PPP1R13B: variants seen among roughly 807,000 people sequenced by gnomAD.
The protein encoded by PPP1R13B is protein phosphatase 1 regulatory subunit 13B.
A neutral mutation model predicts 119.8 loss-of-function variants in PPP1R13B; 44 were observed. The ratio of observed to expected loss-of-function variants is 0.37; its 90% CI spans 0.29 to 0.47. PPP1R13B has a LOEUF of 0.47. Among genes scored for constraint, PPP1R13B ranks in the 20% least tolerant of loss-of-function variants. The pLI is 0.99. For missense variants in PPP1R13B, 1,227 were observed against 1,413.5 expected, an observed-to-expected ratio of 0.87 and a Z score of 2.12; for synonymous variants, 542 against 561.5, an observed-to-expected ratio of 0.97 and a Z score of 0.49.
chr14:103,762,221 G>A (rs1218520617), intron 4 of PPP1R13B, among the ~76,000 whole-genome samples: 2 of 152,180 alleles, frequency 1.3e-5, no homozygotes, highest in Admixed American at 1.3e-4. Context: ...AAACGATGGA[G>A]GTTTAACTAT....
At chr14:103,838,614 A>G (rs1195395361) in intron 1 of PPP1R13B, among the ~76,000 whole-genome samples, 1 of 152,238 alleles carries the variant, frequency 6.6e-6, no homozygotes, top group Admixed American at 6.5e-5. Flanking sequence ...CCCCCTCCCC[A>G]GAAAAAGACA....
chr14:103,762,687 A>G (rs1567103759), intron 4 of PPP1R13B: 3 of 556,190 alleles, frequency 5.4e-6, no homozygotes, highest in Non-Finnish European at 9.8e-6. Context: ...GGGAACCAAG[A>G]GCAAGAGAAC....
chr14:103,790,517 C>T (rs377720140), intron 2 of PPP1R13B, among the ~76,000 whole-genome samples: 1 of 152,136 alleles, frequency 6.6e-6, no homozygotes, highest in East Asian at 1.9e-4. Flanking sequence ...TGGCCCACGG[C>T]TGTAATCCCA....
rs766006305 is a variant in PPP1R13B, at chr14:103,740,197, G to A, written c.2219C>T (p.Thr740Ile). The stretch of plus-strand genomic sequence containing the variant: ...GGAGGGGCTGGGCTGGTAGAAAGGG[G>A]TGCCCTCCATGCCACCGGCCAGGGT... ...FNTLAGGMEG[T>I]PFYQPSPSQD... Residue 740 changes from threonine (T) to isoleucine (I), a missense_variant, in exon 12 of 17, where the codon ACC becomes ATC. Physicochemically the swap from Thr to Ile is moderately conservative, Grantham distance 89. Coordinates refer to ENST00000202556, the MANE Select transcript of PPP1R13B (RefSeq NM_015316.3). This position sits in a 1 kb window ranked among gnomAD's most constrained non-coding sequence, Gnocchi z 4.6. 2 of 1,613,874 alleles carry A rather than the reference G, an allele frequency of 1.2e-6. No individual in the cohort carries two copies. The highest frequency in any genetic ancestry group is 2.2e-5 in the East Asian group (1 of 44,876).
At position 103,804,856 on chromosome 14, in the gene PPP1R13B, G is replaced by A. The variant is rs182689089; in HGVS notation, c.10-7338C>T. On this transcript the variant is annotated intron_variant, in intron 1 of 16. Coordinates refer to ENST00000202556, the MANE Select transcript of PPP1R13B (RefSeq NM_015316.3). ...ATATTGGTGATGAAGATGTAAAATGGTACAGCTATTTTGCATAACAGTCCA... is the reference window on the plus strand; with the variant it reads ...ATATTGGTGATGAAGATGTAAAATGATACAGCTATTTTGCATAACAGTCCA... Among the ~76,000 whole-genome samples the A allele has an allele frequency of 2.8e-4, 43 of 152,242 alleles. 1 individual carries two copies. Among genetic ancestry groups the A allele is most frequent in the Admixed American group, 2.6e-3 (40 of 15,282 alleles).
chr14:103,766,047 C>T (rs1456517673), intron 4 of PPP1R13B, among the ~76,000 whole-genome samples: 1 of 149,926 alleles, frequency 6.7e-6, no homozygotes, highest in Admixed American at 6.6e-5. Context: ...CTAGCTCTGT[C>T]GCCCAGGCTT....
chr14:103,740,686 A>G lies in PPP1R13B; in HGVS notation c.1823-93T>C. On this transcript the variant is annotated intron_variant, in intron 11 of 16. Transcript: ENST00000202556. This position sits in a 1 kb window ranked among gnomAD's most constrained non-coding sequence, Gnocchi z 4.6. ...TTACACCAGAGACAGGCTCCTGCAAAGACACACATATACATCTGCTGCTGT... is the reference window on the plus strand; with the variant it reads ...TTACACCAGAGACAGGCTCCTGCAAGGACACACATATACATCTGCTGCTGT... 1 of 1,087,284 alleles carries G rather than the reference A, an allele frequency of 9.2e-7. No homozygotes were observed. The highest frequency in any genetic ancestry group is 1.2e-6 in the Non-Finnish European group (1 of 812,568). 67.4% of individuals were successfully genotyped at this position (1,087,284 alleles called of 1,614,324 possible).
At chr14:103,843,338 C>T (rs2086952076) in intron 1 of PPP1R13B, among the ~76,000 whole-genome samples, 1 of 151,962 alleles carries the variant, frequency 6.6e-6, no homozygotes, top group African/African-American at 2.4e-5. Flanking sequence ...CCTGCCACTG[C>T]ACTCTAGCCT....
chr14:103,809,574 A>G (rs2086097706), intron 1 of PPP1R13B, among the ~76,000 whole-genome samples: 1 of 152,022 alleles, frequency 6.6e-6, no homozygotes, highest in South Asian at 2.1e-4. Context: ...GTATGCCAGC[A>G]CTTTGGGAGG....
Position 103,746,562 on chromosome 14 carries a change from T to C in PPP1R13B, c.970-9A>G. 1 of 1,565,808 alleles carries C rather than the reference T, an allele frequency of 6.4e-7. No individual in the cohort carries two copies. The highest frequency in any genetic ancestry group is 8.7e-7 in the Non-Finnish European group (1 of 1,149,882). On this transcript the variant is annotated splice_polypyrimidine_tract_variant and intron_variant, in intron 8 of 16. Transcript: ENST00000202556. ...CCATTCACACGGTTCAGCTACAAAT[T>C]GGGAAGAAATGAGAGTCAAGATTCT...
intron 7 of PPP1R13B, 97 bp from the exon 8 acceptor site, chr14:103,750,031 C>A: frequency 1.5e-6 from 2 of 1,378,752 alleles, no homozygotes; most frequent in Non-Finnish European, 2.0e-6. Flanking sequence ...GCATTAAGTT[C>A]TCATGTATAT....
At chr14:103,831,054 C>CTGCCTCGGCCTGCCAAG (rs1403619019) in intron 1 of PPP1R13B, among the ~76,000 whole-genome samples, 34 of 149,956 alleles carry the variant, frequency 2.3e-4, no homozygotes, top group African/African-American at 8.3e-4. Flanking sequence ...AGTGATTCTT[C>CTGCCTCGGCCTGCCAAG]TGCCTCGGCC....
chr14:103,749,633 C>G (rs528989329), intron 8 of PPP1R13B, among the ~76,000 whole-genome samples, 161 bp downstream of exon 8: 1 of 152,338 alleles, frequency 6.6e-6, no homozygotes, highest in African/African-American at 2.4e-5. Flanking sequence ...AAATGAGTCA[C>G]TGGGAGAAGG....
intron 4 of PPP1R13B, chr14:103,762,930 TC>T (rs1351130753): frequency 8.4e-6 from 8 of 954,110 alleles, no homozygotes; most frequent in African/African-American, 1.6e-5. Context: ...CTTGTTGCTG[TC>T]CCCGTCTACA....
At chr14:103,837,804 C>T (rs2086811494) in intron 1 of PPP1R13B, among the ~76,000 whole-genome samples, 1 of 152,108 alleles carries the variant, frequency 6.6e-6, no homozygotes, top group African/African-American at 2.4e-5. Flanking sequence ...CTGACTCTAT[C>T]ACTCCACTTT....
chr14:103,813,105 G>A (rs2086198173), intron 1 of PPP1R13B, among the ~76,000 whole-genome samples: 1 of 152,188 alleles, frequency 6.6e-6, no homozygotes, highest in Admixed American at 6.5e-5. Flanking sequence ...GCATGTGAAT[G>A]TTTATGGCAG....
At chr14:103,829,832 G>A (rs1041762002) in intron 1 of PPP1R13B, among the ~76,000 whole-genome samples, 5 of 152,116 alleles carry the variant, frequency 3.3e-5, no homozygotes, top group Non-Finnish European at 7.4e-5. Flanking sequence ...AGGCTGGAGT[G>A]CAGTGGCACG....
At chr14:103,848,110 C>G (rs1445290220), upstream of PPP1R13B, among the ~76,000 whole-genome samples, 1 of 152,066 alleles carries the variant, frequency 6.6e-6, no homozygotes, top group Non-Finnish European at 1.5e-5. Context: ...GCGCTCGGAA[C>G]CAGCCCCGGC....
chr14:103,791,199 G>A (rs564939807), intron 2 of PPP1R13B, among the ~76,000 whole-genome samples: 2 of 151,460 alleles, frequency 1.3e-5, no homozygotes, highest in South Asian at 2.1e-4. Context: ...ATAGCTCACT[G>A]TAGCCTTGAA....
Sources: allele counts gnomAD v4.1 joint callset (sites outside exome capture counted in the v4.1 genomes callset), GRCh38; gene constraint gnomAD v4.1.1; non-coding constraint Gnocchi (gnomAD v3.1); transcripts MANE v1.5; gene names NCBI Gene and HGNC (gene_info 2026-07-23, HGNC 2026-07-21).